The following USP33 variants were observed in gnomAD, a reference collection of about 807,000 sequenced individuals.
USP33 encodes ubiquitin specific peptidase 33, also known as ubiquitin carboxyl-terminal hydrolase 33.
Under a neutral mutation model 124.2 loss-of-function variants are expected in USP33, and 46 were observed. The observed-to-expected ratio is 0.37, with a 90% CI of 0.29 to 0.47. USP33 has a LOEUF of 0.47. Ranked by LOEUF, USP33 falls within the 20% of genes least tolerant of loss-of-function variation. The pLI, the probability that USP33 is intolerant of heterozygous loss-of-function variation, is 0.99. For missense variants in USP33, 851 were observed against 1,070.6 expected (o/e 0.79, Z 2.86); for synonymous variants, 350 against 352.3 (o/e 0.99, Z 0.07).
At chr1:77,712,257 A>G (rs1183420997) in intron 20 of USP33, among the ~76,000 whole-genome samples, 1 of 152,266 alleles carries the variant, frequency 6.6e-6, no homozygotes, top group East Asian at 1.9e-4. Flanking sequence ...ATATTTAATT[A>G]AAGAAAACAT....
At position 77,725,783 on chromosome 1, in the gene USP33, A is replaced by G; in HGVS notation, c.1136-21T>C. The G allele has an allele frequency of 1.9e-6, 3 of 1,594,286 alleles. No homozygotes were observed. In the South Asian group the frequency reaches 3.4e-5, roughly 18 times the overall value. On this transcript the variant is annotated intron_variant, in intron 10 of 23. Coordinates refer to ENST00000370794, the MANE Select transcript of USP33 (RefSeq NM_201624.3). ...ATATTCTGTAAGATTTAAAATTTGCATTATTACCTTAAATAGTAAAATTAT... is the reference window on the plus strand; with the variant it reads ...ATATTCTGTAAGATTTAAAATTTGCGTTATTACCTTAAATAGTAAAATTAT...
Position 77,714,991 on chromosome 1 carries a change from T to C in USP33, c.2046-208A>G. 1.2e-5 allele frequency: 6 copies of C among 491,294 alleles called. No individual in the cohort carries two copies. In the South Asian group the frequency reaches 1.3e-4, roughly 11 times the overall value. The allele number at this position is 491,294 out of a possible 1,614,324, so 30.4% of individuals were successfully genotyped here. On this transcript the variant is annotated intron_variant, in intron 18 of 23. Coordinates refer to ENST00000370794, the MANE Select transcript of USP33 (RefSeq NM_201624.3). ...TGTATCTTACCTACAGGTATCCACA[T>C]AACTACTGGAACACAGTAAGCATTC...
At chr1:77,732,944 C>T (rs1678005463) in intron 7 of USP33, among the ~76,000 whole-genome samples, 1 of 151,918 alleles carries the variant, frequency 6.6e-6, no homozygotes. Flanking sequence ...CAGGCACACA[C>T]CACCACACCC....
rs1156781043 is a variant in USP33 at position 77,705,129 on chromosome 1, G to GC, written c.2407-3659_2407-3658insG. On this transcript the variant is annotated intron_variant, in intron 21 of 23. Coordinates refer to ENST00000370794, the MANE Select transcript of USP33 (RefSeq NM_201624.3). ...CAAATGCTTTGTTTAAAAAAAAAAG[G>GC]GGGGGGGCTGAATAAAACAAAAAAA... Among the ~76,000 whole-genome samples the GC allele has an allele frequency of 2.7e-5, 4 of 147,082 alleles. 1 individual carries two copies. The highest frequency in any genetic ancestry group is 1.0e-4 in the African/African-American group (4 of 39,974).
At chr1:77,733,376 G>A (rs1383689197) in intron 7 of USP33, among the ~76,000 whole-genome samples, 1 of 149,470 alleles carries the variant, frequency 6.7e-6, no homozygotes, top group Non-Finnish European at 1.5e-5. Flanking sequence ...CTGGGCAACA[G>A]AGTGAGACCC....
In USP33 at chr1:77,743,778, C is replaced by T. The variant is rs143603947; in HGVS notation, c.-51-2030G>A. ...AAATAATGCACTCAGAATGGCATTG[C>T]CTCAATAATCGGAAGAAATTATCCT... On this transcript the variant is annotated intron_variant, in intron 1 of 23. Coordinates refer to ENST00000370794, the MANE Select transcript of USP33 (RefSeq NM_201624.3). Among the ~76,000 whole-genome samples the T allele has an allele frequency of 1.5e-3, 233 of 152,250 alleles. 2 individuals are homozygous for T. Among genetic ancestry groups the T allele is most frequent in the African/African-American group, 5.3e-3 (221 of 41,538 alleles).
chr1:77,713,237 T>C lies in USP33; in HGVS notation c.2260A>G (p.Met754Val), dbSNP rs766764642. ...KAGYIEDLVL[M>V]LPQNIWDNLY... The stretch of plus-strand genomic sequence containing the variant: ...TTATCCCAAATGTTCTGAGGCAGCA[T>C]CAAAACCAGGTCTTCAATATAACCA... Residue 754 changes from methionine to valine, a missense_variant, in exon 20 of 24, where the codon ATG (methionine) becomes GTG (valine). Physicochemically the swap from Met to Val is conservative, Grantham distance 21. Coordinates refer to ENST00000370794, the MANE Select transcript of USP33 (RefSeq NM_201624.3). 5.1e-6 allele frequency: 8 copies of C among 1,583,724 alleles called. No homozygotes were observed. Among genetic ancestry groups the C allele is most frequent in the Non-Finnish European group, 6.8e-6 (8 of 1,171,626 alleles).
intron 1 of USP33, among the ~76,000 whole-genome samples, chr1:77,748,880 T>A (rs762558035): frequency 3.6e-4 from 53 of 149,150 alleles, no homozygotes; most frequent in African/African-American, 1.3e-3. Context: ...TTCTTCATCA[T>A]GGAAAAGAGA....
chr1:77,720,806 T>C (rs1676484859), intron 15 of USP33, among the ~76,000 whole-genome samples: 1 of 152,244 alleles, frequency 6.6e-6, no homozygotes, highest in Admixed American at 6.5e-5. Flanking sequence ...AACATCGAAG[T>C]CGGTATAACC....
intron 1 of USP33, among the ~76,000 whole-genome samples, chr1:77,752,005 A>G (rs1039181895): frequency 6.6e-6 from 1 of 151,442 alleles, no homozygotes; most frequent in Non-Finnish European, 1.5e-5. Context: ...ATTACTTTTA[A>G]GGGGAGAATA....
chr1:77,750,216 G>A (rs1349205535), intron 1 of USP33, among the ~76,000 whole-genome samples: 3 of 152,180 alleles, frequency 2.0e-5, no homozygotes, highest in African/African-American at 7.2e-5. Context: ...TACTCGGGAG[G>A]CTGAAGCAGG....
chr1:77,748,667 C>CA (rs796272242), intron 1 of USP33, among the ~76,000 whole-genome samples: 3,848 of 83,774 alleles, frequency 0.046, 57 homozygotes, highest in Middle Eastern at 0.15. Flanking sequence ...GACTCCGTCT[C>CA]AAAAAAAAAA....
chr1:77,738,780 C>G (rs981394117), intron 5 of USP33, among the ~76,000 whole-genome samples: 13 of 152,082 alleles, frequency 8.5e-5, no homozygotes, highest in African/African-American at 2.9e-4. Context: ...GCACCCAGCC[C>G]AAAGGGAGAA....
chr1:77,741,805 G>C (rs992499068), intron 1 of USP33, 57 bp from the exon 2 acceptor site: 2 of 1,439,896 alleles, frequency 1.4e-6, no homozygotes, highest in Admixed American at 5.1e-5. Context: ...TGCCTGCAAA[G>C]ATTCCAAAAA....
At chr1:77,718,815 G>T (rs911252376) in intron 15 of USP33, 174 bp from the exon 16 acceptor site, 12 of 518,168 alleles carry the variant, frequency 2.3e-5, no homozygotes, top group African/African-American at 2.0e-4. Flanking sequence ...TGTAGTCCCA[G>T]ATACTCAGGA....
chr1:77,741,059 A>G, intron 3 of USP33, 120 bp from the exon 4 acceptor site: 1 of 698,300 alleles, frequency 1.4e-6, no homozygotes, highest in Non-Finnish European at 2.3e-6. Context: ...TTCAATGAGT[A>G]AATGACTTTC....
intron 21 of USP33, among the ~76,000 whole-genome samples, chr1:77,702,350 A>G (rs553191287): frequency 2.6e-5 from 4 of 152,230 alleles, no homozygotes; most frequent in African/African-American, 7.2e-5. Flanking sequence ...AATACGCCAC[A>G]TATTTATTAA....
chr1:77,726,155 G>A (rs539471806), intron 10 of USP33, among the ~76,000 whole-genome samples: 1 of 152,182 alleles, frequency 6.6e-6, no homozygotes, highest in East Asian at 1.9e-4. Context: ...TCACCATTTT[G>A]GCCAGGCTGG....
chr1:77,705,714 G>A (rs954318813), intron 21 of USP33, among the ~76,000 whole-genome samples: 3 of 151,210 alleles, frequency 2.0e-5, no homozygotes, highest in Non-Finnish European at 4.4e-5. Flanking sequence ...CCCACTCTTC[G>A]TATGGACTTT....
Sources: allele counts gnomAD v4.1 joint callset (sites outside exome capture counted in the v4.1 genomes callset), GRCh38; gene constraint gnomAD v4.1.1; transcripts MANE v1.5; gene names NCBI Gene and HGNC (gene_info 2026-07-23, HGNC 2026-07-21).